The following RNGTT variants were observed in gnomAD, a reference collection of about 807,000 sequenced individuals.
RNGTT encodes the protein RNA guanylyltransferase and 5'-phosphatase.
A neutral mutation model predicts 79.3 loss-of-function variants in RNGTT; 33 were observed. The ratio of observed to expected loss-of-function variants is 0.42; its 90% CI spans 0.32 to 0.56. RNGTT has a LOEUF of 0.56. Ranked by LOEUF, RNGTT falls within the 20% of genes least tolerant of loss-of-function variation. RNGTT has a pLI of 0.17. For synonymous variants in RNGTT, 222 were observed against 235.9 expected, an observed-to-expected ratio of 0.94 and a Z score of 0.54; for missense variants, 497 against 739.1, an observed-to-expected ratio of 0.67 and a Z score of 3.80.
At chr6:88,911,520 AT>A (rs565667463) in intron 4 of RNGTT, among the ~76,000 whole-genome samples, 4 of 151,776 alleles carry the variant, frequency 2.6e-5, no homozygotes, top group Non-Finnish European at 5.9e-5. Context: ...GTCTCAATAA[AT>A]TTTTTTTTAA....
chr6:88,870,150 C>A (rs968622297), intron 8 of RNGTT, among the ~76,000 whole-genome samples: 1 of 152,166 alleles, frequency 6.6e-6, no homozygotes, highest in African/African-American at 2.4e-5. Context: ...ATATAATCTT[C>A]AAATCAGACT....
rs533076228 is a variant in RNGTT, at chr6:88,616,340, C to T, written c.1507-1945G>A. Among the ~76,000 whole-genome samples, 21 of 152,206 alleles carry T rather than the reference C, an allele frequency of 1.4e-4. No individual in the cohort carries two copies. In the East Asian group the frequency reaches 2.3e-3, roughly 17 times the overall value. ...GGTGTGAAAATATCTCTTTGAGATC[C>T]GGTTTTAAATTATTTTGGCTATACA... On this transcript the variant is annotated intron_variant, in intron 14 of 15. Transcript: ENST00000369485.
At position 88,945,015 on chromosome 6, in the gene RNGTT, T is replaced by C. The variant is rs571412065; in HGVS notation, c.65-3835A>G. Among the ~76,000 whole-genome samples, 164 of 152,360 alleles carry C rather than the reference T, an allele frequency of 1.1e-3. 1 individual carries two copies. The highest frequency in any genetic ancestry group is 1.9e-3 in the Non-Finnish European group (127 of 68,034). ...TTTCCATCCCAGCAGCTTCTGCTGA[T>C]ATGACTAAGGTCCATCCACGGCCTT... On this transcript the variant is annotated intron_variant, in intron 1 of 15. Transcript: ENST00000369485.
At chr6:88,925,789 A>G (rs1350823388) in intron 4 of RNGTT, among the ~76,000 whole-genome samples, 3 of 152,106 alleles carry the variant, frequency 2.0e-5, no homozygotes, top group South Asian at 2.1e-4. Context: ...AGGAGGATCA[A>G]TTGAGGACAG....
intron 13 of RNGTT, among the ~76,000 whole-genome samples, chr6:88,768,372 T>G (rs553723505): frequency 2.0e-5 from 3 of 152,252 alleles, no homozygotes; most frequent in African/African-American, 7.2e-5. Context: ...CCTCCCAAAG[T>G]GCTGGAATTA....
chr6:88,697,939 G>GAAATACATATATATGATATATATATATA (rs1775746467), intron 13 of RNGTT, among the ~76,000 whole-genome samples: 1 of 109,756 alleles, frequency 9.1e-6, no homozygotes, highest in Non-Finnish European at 1.6e-5. Context: ...ATATATATAT[G>GAAATACATATATATGATATATATATATA]AAATACATAT....
chr6:88,891,978 T>G, intron 6 of RNGTT, 63 bp from the exon 7 acceptor site: 1 of 1,131,498 alleles, frequency 8.8e-7, no homozygotes, highest in Non-Finnish European at 1.2e-6. Flanking sequence ...TCAAATTCAT[T>G]TACAAAGAAG....
chr6:88,790,526 T>C (rs1779373720), intron 12 of RNGTT, among the ~76,000 whole-genome samples: 1 of 152,132 alleles, frequency 6.6e-6, no homozygotes, highest in Non-Finnish European at 1.5e-5. Flanking sequence ...CCAAGAATAG[T>C]AAGAGCAGGC....
chr6:88,639,358 A>C (rs1773222785), intron 14 of RNGTT, among the ~76,000 whole-genome samples: 1 of 152,186 alleles, frequency 6.6e-6, no homozygotes, highest in African/African-American at 2.4e-5. Flanking sequence ...CCTACTATTC[A>C]TATATCTCAG....
chr6:88,690,848 C>T (rs1775452491), intron 13 of RNGTT, among the ~76,000 whole-genome samples: 1 of 152,066 alleles, frequency 6.6e-6, no homozygotes, highest in Non-Finnish European at 1.5e-5. Context: ...CTGGCAATTC[C>T]AATTTTGTGT....
At chr6:88,737,007 G>A (rs1777310621) in intron 13 of RNGTT, among the ~76,000 whole-genome samples, 1 of 152,180 alleles carries the variant, frequency 6.6e-6, no homozygotes, top group African/African-American at 2.4e-5. Context: ...GTCTATGGAG[G>A]TGGGGCTGCC....
intron 8 of RNGTT, among the ~76,000 whole-genome samples, chr6:88,871,022 T>C (rs895759535): frequency 6.6e-6 from 1 of 152,184 alleles, no homozygotes; most frequent in Admixed American, 6.5e-5. Flanking sequence ...CAGAAAATGC[T>C]GTTTGTAGTT....
chr6:88,840,333 A>G lies in RNGTT; in HGVS notation c.1269+4024T>C, dbSNP rs2325165. 8.8e-4 allele frequency among the ~76,000 whole-genome samples: 134 copies of G among 152,298 alleles called. 3 individuals carry two copies. In the South Asian group the frequency reaches 0.026, roughly 30 times the overall value. Reference sequence around the variant, plus strand: ...CAGTAAGAGACATTAAGGACAAAAAACAATAATAAGAACTGAAAGTGAGGA... The same window carrying G: ...CAGTAAGAGACATTAAGGACAAAAAGCAATAATAAGAACTGAAAGTGAGGA... On this transcript the variant is annotated intron_variant, in intron 11 of 15. Transcript: ENST00000369485.
At chr6:88,889,101 G>A (rs1244194392) in intron 8 of RNGTT, among the ~76,000 whole-genome samples, 1 of 152,150 alleles carries the variant, frequency 6.6e-6, no homozygotes, top group South Asian at 2.1e-4. Context: ...CATAAGGACA[G>A]TAGTGATAAT....
chr6:88,849,392 T>C (rs2127904467), intron 10 of RNGTT, among the ~76,000 whole-genome samples: 1 of 152,136 alleles, frequency 6.6e-6, no homozygotes, highest in Non-Finnish European at 1.5e-5. Flanking sequence ...ATAATCAGTT[T>C]CTCTTTTGTT....
chr6:88,958,059 C>A (rs1785493411), intron 1 of RNGTT, among the ~76,000 whole-genome samples: 1 of 152,056 alleles, frequency 6.6e-6, no homozygotes, highest in South Asian at 2.1e-4. Context: ...AATAGAGAAC[C>A]CAGAAAGAAA....
At chr6:88,641,822 C>T (rs987783658) in intron 14 of RNGTT, among the ~76,000 whole-genome samples, 2 of 152,168 alleles carry the variant, frequency 1.3e-5, no homozygotes, top group Non-Finnish European at 2.9e-5. Context: ...ACTGCAGCTG[C>T]TTTTTGTCAT....
intron 13 of RNGTT, among the ~76,000 whole-genome samples, chr6:88,757,233 C>T (rs898618320): frequency 2.6e-5 from 4 of 152,058 alleles, no homozygotes; most frequent in Non-Finnish European, 2.9e-5. Context: ...GATGGAGATA[C>T]ATGAATGGGA....
intron 12 of RNGTT, among the ~76,000 whole-genome samples, chr6:88,791,376 T>A (rs1224048872): frequency 6.6e-6 from 1 of 151,922 alleles, no homozygotes; most frequent in Non-Finnish European, 1.5e-5. Flanking sequence ...TGGGCTCAAG[T>A]GATCCGCCCA....
Sources: gnomAD v4.1 joint callset for allele counts (sites outside exome capture counted in the v4.1 genomes callset) on GRCh38, gnomAD v4.1.1 for gene constraint, MANE v1.5 for transcripts, NCBI Gene and HGNC (gene_info 2026-07-23, HGNC 2026-07-21) for gene names.